Variants in EFNA5 observed in about 807,000 individuals in gnomAD.
EFNA5 encodes the protein ephrin A5.
A neutral mutation model predicts 22.9 loss-of-function variants in EFNA5; 5 were observed. That is an observed-to-expected ratio of 0.22 (90% CI 0.11 to 0.46). The LOEUF (loss-of-function observed/expected upper bound fraction) is 0.46, where lower values mean the gene tolerates loss of function less well. EFNA5 is among the 20% of genes least tolerant of loss of function. The pLI, the probability that EFNA5 is intolerant of heterozygous loss-of-function variation, is 0.99. For missense variants in EFNA5, 237 were observed against 293.3 expected (o/e 0.81, Z 1.40); for synonymous variants, 113 against 112.2 (o/e 1.01, Z -0.04).
chr5:107,399,008 T>C (rs1748008321), intron 2 of EFNA5, among the ~76,000 whole-genome samples: 1 of 152,080 alleles, frequency 6.6e-6, no homozygotes, highest in Admixed American at 6.6e-5. Context: ...GTCCGAGAAC[T>C]AGAAGTCTCC....
chr5:107,510,452 A>T (rs1747346669), intron 1 of EFNA5, among the ~76,000 whole-genome samples: 1 of 152,220 alleles, frequency 6.6e-6, no homozygotes, highest in Non-Finnish European at 1.5e-5. Flanking sequence ...CCTATGGAGT[A>T]GCCATTCTTT....
intron 2 of EFNA5, among the ~76,000 whole-genome samples, chr5:107,396,309 G>A (rs763427187): frequency 4.6e-5 from 7 of 152,114 alleles, no homozygotes; most frequent in South Asian, 2.1e-4. Flanking sequence ...ACGTGCCTAC[G>A]CCTCAGTTTT....
At chr5:107,641,761 T>A (rs1044193215) in intron 1 of EFNA5, among the ~76,000 whole-genome samples, 3 of 152,218 alleles carry the variant, frequency 2.0e-5, no homozygotes, top group Admixed American at 2.0e-4. Flanking sequence ...CAGCATCTGT[T>A]CATTGCATCT....
intron 1 of EFNA5, among the ~76,000 whole-genome samples, chr5:107,576,017 C>T (rs1748920656): frequency 1.3e-5 from 2 of 152,192 alleles, no homozygotes; most frequent in Non-Finnish European, 2.9e-5. Flanking sequence ...GCCAGGCAAA[C>T]AGTAACTTAA....
chr5:107,436,252 G>C (rs952278150), intron 1 of EFNA5, among the ~76,000 whole-genome samples: 12 of 152,176 alleles, frequency 7.9e-5, no homozygotes, highest in African/African-American at 2.9e-4. Context: ...TAGCTTGATG[G>C]AGGAGTTTCA....
intron 2 of EFNA5, among the ~76,000 whole-genome samples, chr5:107,414,413 T>C (rs764140976): frequency 2.6e-5 from 4 of 152,154 alleles, no homozygotes; most frequent in Admixed American, 6.6e-5. Context: ...CATGAATATA[T>C]TTTTCCCACA....
At chr5:107,591,478 G>T (rs59767200) in intron 1 of EFNA5, among the ~76,000 whole-genome samples, 1,530 of 152,056 alleles carry the variant, frequency 0.01, 32 homozygotes, top group African/African-American at 0.033. Flanking sequence ...TGGCATGTAT[G>T]AGATCCCCTC....
At chr5:107,389,366 G>C (rs1457351481) in intron 2 of EFNA5, among the ~76,000 whole-genome samples, 2 of 152,180 alleles carry the variant, frequency 1.3e-5, no homozygotes, top group African/African-American at 4.8e-5. Context: ...AGTACACATA[G>C]GTGACTCCAA....
At chr5:107,558,337 T>G (rs772945668) in intron 1 of EFNA5, among the ~76,000 whole-genome samples, 1 of 152,164 alleles carries the variant, frequency 6.6e-6, no homozygotes, top group East Asian at 1.9e-4. Context: ...CATTTTACAC[T>G]GAACAATAAT....
At chr5:107,432,582 G>A (rs1340956425) in intron 1 of EFNA5, among the ~76,000 whole-genome samples, 1 of 152,148 alleles carries the variant, frequency 6.6e-6, no homozygotes, top group Non-Finnish European at 1.5e-5. Flanking sequence ...TTATCACAGT[G>A]CTTCACAATC....
chr5:107,440,708 A>T (rs190228775), intron 1 of EFNA5, among the ~76,000 whole-genome samples: 5 of 152,318 alleles, frequency 3.3e-5, no homozygotes, highest in Non-Finnish European at 2.9e-5. Context: ...ACACTGTTCA[A>T]GGCAGACAGA....
intron 2 of EFNA5, among the ~76,000 whole-genome samples, chr5:107,416,130 C>G (rs1406223211): frequency 6.6e-6 from 1 of 152,174 alleles, no homozygotes; most frequent in African/African-American, 2.4e-5. Context: ...TCTGACCCCA[C>G]AAACCATTCA....
At chr5:107,450,594 A>G (rs1488331533) in intron 1 of EFNA5, among the ~76,000 whole-genome samples, 1 of 152,240 alleles carries the variant, frequency 6.6e-6, no homozygotes, top group Non-Finnish European at 1.5e-5. Context: ...TAATTGATAA[A>G]AGCATGAAAC....
chr5:107,447,108 CTGG>C (rs1319709207), intron 1 of EFNA5, among the ~76,000 whole-genome samples: 1 of 152,164 alleles, frequency 6.6e-6, no homozygotes, highest in Non-Finnish European at 1.5e-5. Flanking sequence ...CCCTGAGAGA[CTGG>C]TGAACACAGT....
At position 107,631,163 on chromosome 5, in the gene EFNA5, G is replaced by A. The variant is rs1331897063; in HGVS notation, c.125+39326C>T. Among the ~76,000 whole-genome samples, 3 of 151,852 alleles carry A rather than the reference G, an allele frequency of 2.0e-5. No homozygotes were observed. The East Asian group carries it at 5.8e-4, about 29-fold the overall frequency. ...CAGTACAGTAAGTACTAGGCAATAG[G>A]CATTTTTCAGCTCCATTATAATCTT... is the stretch of plus-strand genomic sequence containing the variant. On this transcript the variant is annotated intron_variant, in intron 1 of 4. Transcript: ENST00000333274.
chr5:107,668,561 T>C (rs776313121), intron 1 of EFNA5, among the ~76,000 whole-genome samples: 1 of 152,118 alleles, frequency 6.6e-6, no homozygotes, highest in Non-Finnish European at 1.5e-5. Flanking sequence ...AGTATCCAAA[T>C]AAATGAATGC....
In EFNA5 at chr5:107,635,089, A is replaced by G. The variant is rs184471741; in HGVS notation, c.125+35400T>C. On this transcript the variant is annotated intron_variant, in intron 1 of 4. Transcript: ENST00000333274. ...CAAATTGATGAAAACTCTAGGGGGAAAAACCATTTTGAACTGTGGTTTCCA... is the reference window on the plus strand; with the variant it reads ...CAAATTGATGAAAACTCTAGGGGGAGAAACCATTTTGAACTGTGGTTTCCA... Among the ~76,000 whole-genome samples the G allele has an allele frequency of 4.6e-5, 7 of 152,310 alleles. No individual in the cohort carries two copies. The East Asian group carries it at 1.2e-3, about 25-fold the overall frequency.
intron 1 of EFNA5, among the ~76,000 whole-genome samples, chr5:107,637,997 C>A (rs1447393655): frequency 6.7e-6 from 1 of 148,860 alleles, no homozygotes; most frequent in Non-Finnish European, 1.5e-5. Flanking sequence ...CACGCACCTG[C>A]CACCACGCCT....
chr5:107,484,974 A>G (rs927618909), intron 1 of EFNA5, among the ~76,000 whole-genome samples: 2 of 152,062 alleles, frequency 1.3e-5, no homozygotes, highest in African/African-American at 4.8e-5. Context: ...AATTTCAGAG[A>G]AAAATGAAAA....
Sources: gnomAD v4.1 joint callset for allele counts (sites outside exome capture counted in the v4.1 genomes callset) on GRCh38, gnomAD v4.1.1 for gene constraint, MANE v1.5 for transcripts, NCBI Gene and HGNC (gene_info 2026-07-23, HGNC 2026-07-21) for gene names.